ATP13A4: variants seen among roughly 807,000 people sequenced by gnomAD.
The protein encoded by ATP13A4 is ATPase 13A4, also known as probable cation-transporting ATPase 13A4.
Under a neutral mutation model 142.5 loss-of-function variants are expected in ATP13A4, and 114 were observed. The ratio of observed to expected loss-of-function variants is 0.80; its 90% confidence interval spans 0.69 to 0.93. The LOEUF (loss-of-function observed/expected upper bound fraction) is 0.93. Ranked by LOEUF, ATP13A4 falls within the 40% of genes least tolerant of loss-of-function variation. The pLI is 0.00. For synonymous variants in ATP13A4, 488 were observed against 514.8 expected, an observed-to-expected ratio of 0.95 and a Z score of 0.70; for missense variants, 1,392 against 1,454.0, an observed-to-expected ratio of 0.96 and a Z score of 0.69.
chr3:193,483,503 C>G (rs1254159170), intron 8 of ATP13A4, among the ~76,000 whole-genome samples: 3 of 152,168 alleles, frequency 2.0e-5, no homozygotes, highest in Admixed American at 6.5e-5. Context: ...CTCGCTCTGT[C>G]ACCCAGGCTG....
chr3:193,402,954 A>G, intron 29 of ATP13A4, 90 bp from the exon 30 acceptor site: 1 of 1,147,216 alleles, frequency 8.7e-7, no homozygotes, highest in Non-Finnish European at 1.3e-6. Flanking sequence ...CACTACTGCA[A>G]TGGTTGCTTA....
intron 2 of ATP13A4, among the ~76,000 whole-genome samples, chr3:193,504,787 C>A (rs1368626449): frequency 6.6e-6 from 1 of 152,060 alleles, no homozygotes; most frequent in Non-Finnish European, 1.5e-5. Context: ...ATAAAAGAGC[C>A]ATCAAGACCA....
intron 1 of ATP13A4, among the ~76,000 whole-genome samples, chr3:193,519,253 T>C (rs1721585455): frequency 6.6e-6 from 1 of 152,188 alleles, no homozygotes; most frequent in East Asian, 1.9e-4. Flanking sequence ...TAATACTAAA[T>C]GACCAACAAA....
intron 8 of ATP13A4, among the ~76,000 whole-genome samples, chr3:193,483,706 A>G (rs926241281): frequency 2.0e-5 from 3 of 152,012 alleles, no homozygotes; most frequent in African/African-American, 7.2e-5. Context: ...CCTCGTGATC[A>G]GCCCGCCTCG....
intron 16 of ATP13A4, among the ~76,000 whole-genome samples, chr3:193,455,423 A>G (rs1317881788): frequency 6.6e-6 from 1 of 152,112 alleles, no homozygotes; most frequent in African/African-American, 2.4e-5. Context: ...ACAATCACAC[A>G]CACACACAAA....
intron 2 of ATP13A4, among the ~76,000 whole-genome samples, chr3:193,504,041 GAA>G (rs1178547416): frequency 1.3e-4 from 19 of 146,170 alleles, no homozygotes; most frequent in African/African-American, 4.1e-4. Context: ...GAGAGAGAGA[GAA>G]AGAGAGATGA....
At chr3:193,496,657 G>A (rs149390157) in intron 3 of ATP13A4, among the ~76,000 whole-genome samples, 1 of 152,092 alleles carries the variant, frequency 6.6e-6, no homozygotes, top group Admixed American at 6.6e-5. Flanking sequence ...TGGGCATGGT[G>A]GTGGGTGCCT....
At chr3:193,570,718 G>T (rs1724242674) in intron 2 of ATP13A4, among the ~76,000 whole-genome samples, 2 of 152,134 alleles carry the variant, frequency 1.3e-5, no homozygotes, top group Admixed American at 6.6e-5. Flanking sequence ...AAACCCACAG[G>T]CTCTGAATTC....
At chr3:193,513,384 C>G (rs1721238195) in intron 2 of ATP13A4, among the ~76,000 whole-genome samples, 1 of 152,172 alleles carries the variant, frequency 6.6e-6, no homozygotes, top group Non-Finnish European at 1.5e-5. Context: ...GATTTATCAA[C>G]AATTTGGTTG....
intron 16 of ATP13A4, among the ~76,000 whole-genome samples, chr3:193,455,698 A>G (rs1717568014): frequency 1.3e-5 from 2 of 152,232 alleles, no homozygotes; most frequent in African/African-American, 4.8e-5. Context: ...ATAGCCAAAG[A>G]CAGGTAAATC....
rs149950925 is a variant in ATP13A4 at position 193,489,638 on chromosome 3, G to A, written c.738+92C>T. ...GCTCTCATTTACTACGGAGTAGGAAGTGACTATTTCCTGATTCTCCTTTCT... is the reference window on the plus strand; with the variant it reads ...GCTCTCATTTACTACGGAGTAGGAAATGACTATTTCCTGATTCTCCTTTCT... On this transcript the variant is annotated intron_variant, in intron 7 of 29. Transcript: ENST00000342695. The A allele has an allele frequency of 2.6e-4, 349 of 1,357,008 alleles. No homozygotes were observed. In the African/African-American group the frequency reaches 4.4e-3, roughly 17 times the overall value. The allele number at this position is 1,357,008 out of a possible 1,614,324, so 84.1% of individuals were successfully genotyped here.
chr3:193,449,927 C>T (rs550193579), intron 17 of ATP13A4, among the ~76,000 whole-genome samples: 2 of 151,994 alleles, frequency 1.3e-5, no homozygotes, highest in Non-Finnish European at 2.9e-5. Flanking sequence ...CGAGACGAGC[C>T]TGACCAACAT....
At chr3:193,590,335 T>A (rs965903141) in intron 1 of ATP13A4, among the ~76,000 whole-genome samples, 15 of 152,078 alleles carry the variant, frequency 9.9e-5, no homozygotes, top group African/African-American at 3.6e-4. Context: ...CAGGATCACT[T>A]GAGTCATGAG....
At chr3:193,514,609 T>C in intron 2 of ATP13A4, 89 bp downstream of exon 2, 1 of 1,541,260 alleles carries the variant, frequency 6.5e-7, no homozygotes, top group Non-Finnish European at 9.0e-7. Context: ...CTGCTATCTG[T>C]CTTGTGCACA....
intron 10 of ATP13A4, among the ~76,000 whole-genome samples, chr3:193,466,700 T>C (rs578252672): frequency 2.6e-5 from 4 of 152,358 alleles, no homozygotes; most frequent in African/African-American, 9.6e-5. Flanking sequence ...TTGAATTGTG[T>C]GGCCTCAGCC....
chr3:193,430,530 A>T (rs899238789), intron 25 of ATP13A4, among the ~76,000 whole-genome samples: 1 of 152,138 alleles, frequency 6.6e-6, no homozygotes, highest in Non-Finnish European at 1.5e-5. Context: ...TGTGATAGAG[A>T]ACTGGCTTCT....
At chr3:193,494,857 T>C (rs1720138096) in intron 3 of ATP13A4, among the ~76,000 whole-genome samples, 1 of 151,862 alleles carries the variant, frequency 6.6e-6, no homozygotes, top group Non-Finnish European at 1.5e-5. Context: ...TTAACAAATG[T>C]TTAGTCAGAC....
chr3:193,522,909 T>C (rs148913941), intron 1 of ATP13A4, among the ~76,000 whole-genome samples: 1 of 152,322 alleles, frequency 6.6e-6, no homozygotes, highest in East Asian at 1.9e-4. Context: ...TTTAGTATAA[T>C]AATAAATAAA....
chr3:193,579,386 T>C (rs186618308), intron 2 of ATP13A4: 2,413 of 220,972 alleles, frequency 0.011, 21 homozygotes, highest in Non-Finnish European at 0.017. Flanking sequence ...ATGGTGACAA[T>C]GTTGATATGA....
Sources: allele counts gnomAD v4.1 joint callset (sites outside exome capture counted in the v4.1 genomes callset), GRCh38; gene constraint gnomAD v4.1.1; transcripts MANE v1.5; gene names NCBI Gene and HGNC (gene_info 2026-07-23, HGNC 2026-07-21).